ZBTB44: variants seen among roughly 807,000 people sequenced by gnomAD.
ZBTB44 encodes zinc finger and BTB domain containing 44, also known as zinc finger and BTB domain-containing protein 44.
ZBTB44 carries 15 observed loss-of-function variants against 54.0 expected under a neutral mutation model. The observed-to-expected ratio is 0.28, with a 90% CI of 0.19 to 0.43. The LOEUF is 0.43. Ranked by LOEUF, ZBTB44 falls within the 20% of genes least tolerant of loss-of-function variation. The pLI, the probability that ZBTB44 is intolerant of heterozygous loss-of-function variation, is 1.00. For missense variants in ZBTB44, 487 were observed against 707.1 expected, an observed-to-expected ratio of 0.69 and a Z score of 3.53; for synonymous variants, 230 against 250.1, an observed-to-expected ratio of 0.92 and a Z score of 0.76.
intron 1 of ZBTB44, among the ~76,000 whole-genome samples, chr11:130,289,360 G>C (rs1941165635): frequency 6.6e-6 from 1 of 151,790 alleles, no homozygotes. Flanking sequence ...GCGCATGCCT[G>C]TAATCCCAGC....
intron 1 of ZBTB44, among the ~76,000 whole-genome samples, chr11:130,307,453 T>C (rs1463863066): frequency 6.6e-6 from 1 of 151,948 alleles, no homozygotes; most frequent in East Asian, 1.9e-4. Context: ...CTACTGTTAT[T>C]GTTTTATCAC....
chr11:130,282,398 A>G (rs1019050010), intron 1 of ZBTB44, among the ~76,000 whole-genome samples: 12 of 152,306 alleles, frequency 7.9e-5, no homozygotes, highest in African/African-American at 2.4e-4. Flanking sequence ...GAAGCATTCA[A>G]TATTTGTTTC....
At chr11:130,311,880 C>G (rs1283226661) in intron 1 of ZBTB44, among the ~76,000 whole-genome samples, 1 of 151,856 alleles carries the variant, frequency 6.6e-6, no homozygotes, top group East Asian at 1.9e-4. Context: ...TCAAGACACA[C>G]AATAGTCAGC....
chr11:130,276,797 C>G (rs1241800805), intron 1 of ZBTB44, among the ~76,000 whole-genome samples: 2 of 152,144 alleles, frequency 1.3e-5, no homozygotes, highest in Non-Finnish European at 2.9e-5. Context: ...TCTGTTTCTT[C>G]ATTTCTGTTT....
intron 4 of ZBTB44, 137 bp downstream of exon 4, chr11:130,238,307 T>C: frequency 8.9e-7 from 1 of 1,120,594 alleles, no homozygotes; most frequent in South Asian, 1.8e-5. Flanking sequence ...GCAATAAACC[T>C]TAGCTAATCT....
intron 2 of ZBTB44, among the ~76,000 whole-genome samples, chr11:130,253,721 T>C (rs1169669827): frequency 6.6e-6 from 1 of 152,134 alleles, no homozygotes; most frequent in Non-Finnish European, 1.5e-5. Flanking sequence ...AAAAACTACT[T>C]TAAAGTTCAC....
chr11:130,256,850 C>A (rs2136402223), intron 2 of ZBTB44, among the ~76,000 whole-genome samples: 1 of 152,120 alleles, frequency 6.6e-6, no homozygotes, highest in East Asian at 1.9e-4. Context: ...GACAAGGATG[C>A]TCTCTCTCAC....
intron 1 of ZBTB44, among the ~76,000 whole-genome samples, chr11:130,279,468 G>A (rs1284364363): frequency 6.6e-6 from 1 of 152,100 alleles, no homozygotes; most frequent in African/African-American, 2.4e-5. Flanking sequence ...AGACCAGCCT[G>A]GCCAACACGG....
intron 1 of ZBTB44, among the ~76,000 whole-genome samples, chr11:130,292,272 TTC>T (rs1483271282): frequency 2.6e-5 from 4 of 152,238 alleles, no homozygotes; most frequent in Non-Finnish European, 5.9e-5. Flanking sequence ...TCTTAATTAT[TTC>T]TGTTTCTATA....
At chr11:130,278,651 C>T (rs1245095256) in intron 1 of ZBTB44, among the ~76,000 whole-genome samples, 1 of 152,128 alleles carries the variant, frequency 6.6e-6, no homozygotes, top group Non-Finnish European at 1.5e-5. Context: ...CCTCAGTTTG[C>T]ATAATTTCTA....
At chr11:130,307,635 A>G (rs1434716408) in intron 1 of ZBTB44, among the ~76,000 whole-genome samples, 2 of 152,154 alleles carry the variant, frequency 1.3e-5, no homozygotes, top group African/African-American at 4.8e-5. Context: ...ATAGACCACA[A>G]ATACCACAAC....
intron 1 of ZBTB44, among the ~76,000 whole-genome samples, chr11:130,276,302 T>C (rs1262188172): frequency 6.6e-6 from 1 of 150,604 alleles, no homozygotes; most frequent in Non-Finnish European, 1.5e-5. Context: ...TAATGGAGAA[T>C]GTTCCATGTG....
chr11:130,298,648 A>AGACGGAGTTTC (rs1941811954), intron 1 of ZBTB44, among the ~76,000 whole-genome samples: 1 of 151,124 alleles, frequency 6.6e-6, no homozygotes, highest in Non-Finnish European at 1.5e-5. Flanking sequence ...TTTTTAGTAG[A>AGACGGAGTTTC]GACGGAGTTT....
At chr11:130,303,899 GAC>G (rs1430802530) in intron 1 of ZBTB44, among the ~76,000 whole-genome samples, 1 of 152,000 alleles carries the variant, frequency 6.6e-6, no homozygotes, top group Admixed American at 6.6e-5. Flanking sequence ...ACTCTTGCAA[GAC>G]AGAGTTATCA....
At chr11:130,264,573 C>CG (rs1425126799) in intron 1 of ZBTB44, among the ~76,000 whole-genome samples, 1 of 152,106 alleles carries the variant, frequency 6.6e-6, no homozygotes, top group Middle Eastern at 3.2e-3. Context: ...GAGTACCTCC[C>CG]GTAAGTCATG....
In ZBTB44 at chr11:130,234,162, A is replaced by G; in HGVS notation, c.1680T>C (p.Ile560=). 6.5e-7 allele frequency: 1 copy of G among 1,544,504 alleles called. No individual in the cohort carries two copies. The highest frequency in any genetic ancestry group is 8.7e-7 in the Non-Finnish European group (1 of 1,143,920). Residue 560 remains isoleucine (I), a synonymous_variant, in exon 6 of 8, where the codon ATT becomes ATC. Coordinates refer to ENST00000357899, the MANE Select transcript of ZBTB44 (RefSeq NM_001301098.2). ...AATTCTGGGTTGAGGAGACCTGTGA[A>G]ATGACAGGCATTTGAACAGAGGAGT... is the stretch of plus-strand genomic sequence containing the variant. ...ESNSSVQMPV[I]SQYHSKGKEP is the part of the protein sequence containing the mutation.
intron 1 of ZBTB44, among the ~76,000 whole-genome samples, chr11:130,262,680 A>T (rs1267646031): frequency 6.6e-6 from 1 of 152,162 alleles, no homozygotes; most frequent in Admixed American, 6.5e-5. Flanking sequence ...TTAATGTTTT[A>T]TGCAGGTAAA....
In ZBTB44 at chr11:130,231,601, A is replaced by C. The variant is rs1953878320; in HGVS notation, c.*163T>G. 6.6e-6 allele frequency: 1 copy of C among 152,126 alleles called. No individual in the cohort carries two copies. The highest frequency in any genetic ancestry group is 2.4e-5 in the African/African-American group (1 of 41,422). 9.4% of individuals were successfully genotyped at this position (152,126 alleles called of 1,614,324 possible). ...GTTTTCAGGGTTGGGGATGTGCTAA[A>C]AACACTTTTAACCAATCAATCTGCA... On this transcript the variant is annotated 3_prime_UTR_variant, in exon 8 of 8. Coordinates refer to ENST00000357899, the MANE Select transcript of ZBTB44 (RefSeq NM_001301098.2).
At position 130,228,859 on chromosome 11, in the gene ZBTB44, T is replaced by A. The variant is rs1565636666; in HGVS notation, c.*2905A>T. ...CACAACCGTGCCTGGGACTTTAAGC[T>A]TCATCAGCAACATCAGTCAATTTAA... is the stretch of plus-strand genomic sequence containing the variant. On this transcript the variant is annotated 3_prime_UTR_variant, in exon 8 of 8. Transcript: ENST00000357899. The A allele has an allele frequency of 2.0e-5, 3 of 152,200 alleles. No homozygotes were observed. Among genetic ancestry groups the A allele is most frequent in the African/African-American group, 7.2e-5 (3 of 41,452 alleles). The allele number at this position is 152,200 out of a possible 1,614,324, so 9.4% of individuals were successfully genotyped here.
Sources: allele counts gnomAD v4.1 joint callset (sites outside exome capture counted in the v4.1 genomes callset), GRCh38; gene constraint gnomAD v4.1.1; transcripts MANE v1.5; gene names NCBI Gene and HGNC (gene_info 2026-07-23, HGNC 2026-07-21).